Variants in TPM1 observed in about 807,000 individuals in gnomAD.
TPM1 encodes tropomyosin alpha-1 chain.
In TPM1, 24 loss-of-function variants were observed where a neutral mutation model predicts 42.9. The ratio of observed to expected loss-of-function variants is 0.56; its 90% CI spans 0.41 to 0.79. TPM1 has a LOEUF of 0.79. Among genes scored for constraint, TPM1 ranks in the 30% least tolerant of loss-of-function variants. The pLI is 0.00. For synonymous variants in TPM1, 136 were observed against 130.1 expected (o/e 1.05, Z -0.31); for missense variants, 158 against 351.8 (o/e 0.45, Z 4.41).
intron 2 of TPM1, among the ~76,000 whole-genome samples, chr15:63,053,811 A>G (rs900113651): frequency 2.0e-4 from 30 of 150,288 alleles, no homozygotes; most frequent in Middle Eastern, 3.5e-3. Context: ...CCTCCTGAGT[A>G]GCTGGGATTA....
downstream of TPM1, among the ~76,000 whole-genome samples, chr15:63,067,786 G>C (rs1005799217): frequency 2.0e-5 from 3 of 152,142 alleles, no homozygotes; most frequent in African/African-American, 7.2e-5. Flanking sequence ...TGCTCTGGTG[G>C]GCCAAACCAA....
At chr15:63,043,020 C>A (rs950872732) in intron 1 of TPM1, 77 bp downstream of exon 1, 15 of 1,347,484 alleles carry the variant, frequency 1.1e-5, no homozygotes, top group Non-Finnish European at 1.5e-5. Context: ...GGATCCCCAC[C>A]CCGAGGACTC....
At chr15:63,061,429 T>C in intron 5 of TPM1, 1 of 801,244 alleles carries the variant, frequency 1.2e-6, no homozygotes. Context: ...TCCTTTATGC[T>C]CCTTTGTTTT....
At chr15:63,070,831 G>A (rs771881952), downstream of TPM1, 2 of 1,273,510 alleles carry the variant, frequency 1.6e-6, no homozygotes, top group Non-Finnish European at 2.0e-6. Flanking sequence ...AACCCCACGT[G>A]CATTTTATCC....
At chr15:63,060,774 T>C in intron 4 of TPM1, 95 bp from the exon 5 acceptor site, 1 of 1,366,158 alleles carries the variant, frequency 7.3e-7, no homozygotes, top group Non-Finnish European at 1.0e-6. Flanking sequence ...ACAAAACCCT[T>C]AGGGCCTGAT....
chr15:63,043,835 C>T lies in TPM1; in HGVS notation c.115-192C>T, dbSNP rs2031774217. On this transcript the variant is annotated intron_variant, in intron 1 of 9. Transcript: ENST00000403994. ...CGCCGAAGAGGCCGCCGCCAAGGTA[C>T]CCGGGGCGCGCGGCACGGCGTGGCG... is the stretch of plus-strand genomic sequence containing the variant. 3 of 1,548,568 alleles carry T rather than the reference C, an allele frequency of 1.9e-6. No homozygotes were observed. The highest frequency in any genetic ancestry group is 4.9e-5 in the East Asian group (2 of 41,022).
intron 8 of TPM1, chr15:63,063,702 C>A: frequency 4.4e-6 from 1 of 227,402 alleles, no homozygotes. Flanking sequence ...TAAAATATAG[C>A]TCTGCAAAAG....
In TPM1 at chr15:63,059,688, C is replaced by T. The variant is rs765607975; in HGVS notation, c.492+8C>T. ...GACCGCAAATATGAAGAGGTCAGATCCTGGGGCCCAAAGCCTTGTGGACAC... is the reference window on the plus strand; with the variant it reads ...GACCGCAAATATGAAGAGGTCAGATTCTGGGGCCCAAAGCCTTGTGGACAC... On this transcript the variant is annotated splice_region_variant and intron_variant, in intron 4 of 9. Transcript: ENST00000403994. The T allele has an allele frequency of 6.3e-7, 1 of 1,595,268 alleles. No individual in the cohort carries two copies. The highest frequency in any genetic ancestry group is 1.7e-5 in the Admixed American group (1 of 59,802).
chr15:63,065,697 C>T (rs2036201065), intron 9 of TPM1, 199 bp from the exon 10 acceptor site: 1 of 971,408 alleles, frequency 1.0e-6, no homozygotes, highest in African/African-American at 1.8e-5. Context: ...AAAATGGACC[C>T]TTGCCGAAAG....
At chr15:63,060,500 C>G (rs930149455) in intron 4 of TPM1, among the ~76,000 whole-genome samples, 5 of 152,190 alleles carry the variant, frequency 3.3e-5, no homozygotes, top group Non-Finnish European at 5.9e-5. Context: ...CTTAGGTTTA[C>G]TTTGTTTTCC....
downstream of TPM1, chr15:63,069,886 A>C: frequency 6.2e-7 from 1 of 1,614,148 alleles, no homozygotes; most frequent in Admixed American, 1.7e-5. Flanking sequence ...TCTACCAGCA[A>C]CTTGAGCAAA....
downstream of TPM1, chr15:63,069,752 A>G (rs1389206321): frequency 1.6e-6 from 2 of 1,283,550 alleles, no homozygotes; most frequent in Non-Finnish European, 2.2e-6. Flanking sequence ...TCAGCAAGTG[A>G]CCAGTTGCTG....
intron 6 of TPM1, 148 bp downstream of exon 6, chr15:63,061,936 T>C: frequency 1.3e-6 from 1 of 753,034 alleles, no homozygotes; most frequent in Non-Finnish European, 2.2e-6. Context: ...TAACAAATTC[T>C]TTTTTTTAAC....
chr15:63,061,970 G>A (rs889560099), intron 6 of TPM1, 182 bp downstream of exon 6: 1 of 678,394 alleles, frequency 1.5e-6, no homozygotes, highest in Non-Finnish European at 2.6e-6. Flanking sequence ...TTATGTTAGG[G>A]ATATGAGGCA....
At chr15:63,065,696 C>G in intron 9 of TPM1, 200 bp from the exon 10 acceptor site, 1 of 971,062 alleles carries the variant, frequency 1.0e-6, no homozygotes, top group Non-Finnish European at 1.2e-6. Context: ...TAAAATGGAC[C>G]CTTGCCGAAA....
At chr15:63,064,360 G>A (rs558747336) in intron 9 of TPM1, 26 of 1,417,996 alleles carry the variant, frequency 1.8e-5, no homozygotes, top group South Asian at 5.9e-5. Flanking sequence ...TTCAGAATCC[G>A]TTTATTTTGT....
Position 63,044,163 on chromosome 15 carries a change from G to A in TPM1, c.240+11G>A, listed in dbSNP as rs367999295. On this transcript the variant is annotated intron_variant, in intron 2 of 9. Coordinates refer to ENST00000403994, the MANE Select transcript of TPM1 (RefSeq NM_001018005.2). ...AAAAAGGCCACCGATGTAAGTGCAC[G>A]CTCACACTGCTTCCCTCACCTCTTG... The A allele has an allele frequency of 1.1e-5, 17 of 1,614,064 alleles. No individual in the cohort carries two copies. The highest frequency in any genetic ancestry group is 1.4e-5 in the Non-Finnish European group (16 of 1,180,052).
chr15:63,054,779 C>T (rs965877886), intron 2 of TPM1, among the ~76,000 whole-genome samples: 1 of 152,160 alleles, frequency 6.6e-6, no homozygotes, highest in Admixed American at 6.5e-5. Flanking sequence ...CTTTTGAGTA[C>T]ATAACCTAGA....
intron 3 of TPM1, 79 bp from the exon 4 acceptor site, chr15:63,059,484 C>A: frequency 8.6e-7 from 1 of 1,169,024 alleles, no homozygotes; most frequent in Non-Finnish European, 1.3e-6. Context: ...CACTAAGCCT[C>A]ACAAGCCACA....
Sources: allele counts gnomAD v4.1 joint callset (sites outside exome capture counted in the v4.1 genomes callset), GRCh38; gene constraint gnomAD v4.1.1; transcripts MANE v1.5; gene names NCBI Gene and HGNC (gene_info 2026-07-23, HGNC 2026-07-21).